Variants in WNK1 observed in about 807,000 individuals in gnomAD.
The protein encoded by WNK1 is WNK lysine deficient protein kinase 1.
In WNK1, 38 loss-of-function variants were observed where a neutral mutation model predicts 222.8. The ratio of observed to expected loss-of-function variants is 0.17; its 90% confidence interval spans 0.13 to 0.22. WNK1 has a LOEUF of 0.22. Among genes scored for constraint, WNK1 ranks in the 10% least tolerant of loss-of-function variants. WNK1 has a pLI of 1.00. For synonymous variants in WNK1, 1,090 were observed against 1,092.9 expected (o/e 1.00, Z 0.05); for missense variants, 2,348 against 2,918.4 (o/e 0.80, Z 4.50).
rs376384241 is a variant in WNK1 at position 878,328 on chromosome 12, A to T, written c.2340A>T (p.Pro780=). 1 of 1,613,682 alleles carries T rather than the reference A, an allele frequency of 6.2e-7. No individual in the cohort carries two copies. The highest frequency in any genetic ancestry group is 8.5e-7 in the Non-Finnish European group (1 of 1,179,970). ...TAQPVSQPQA[P]QVLPQVSAGK... ...AGCCAGTGAGTCAGCCTCAAGCTCC[A>T]CAAGTCTTGCCTCAAGTATCAGCTG... The change falls in exon 10 of 28, where the codon CCA becomes CCT. Residue 780 remains proline (P), a synonymous_variant. Coordinates refer to ENST00000315939, the MANE Select transcript of WNK1 (RefSeq NM_018979.4).
chr12:807,546 C>G (rs1415594358), intron 1 of WNK1, among the ~76,000 whole-genome samples: 1 of 151,890 alleles, frequency 6.6e-6, no homozygotes, highest in Non-Finnish European at 1.5e-5. Context: ...AGTTTCAGTG[C>G]TAATAACTCC....
chr12:908,861 G>GGGGGGGGGGGGGGGCCCA lies in WNK1; in HGVS notation c.*69_*70insGGGGGGGGGGGGGGCCCA. On this transcript the variant is annotated 3_prime_UTR_variant, in exon 28 of 28. Transcript: ENST00000315939. ...ATGCTGAGGGGGTGGGTGGGGGTGG[G>GGGGGGGGGGGGGGGCCCA]AAGTAGCCTATATACTAACTACTAG... 2 of 491,846 alleles carry GGGGGGGGGGGGGGGCCCA rather than the reference G, an allele frequency of 4.1e-6. No individual in the cohort carries two copies. Among genetic ancestry groups the GGGGGGGGGGGGGGGCCCA allele is most frequent in the Non-Finnish European group, 4.1e-6 (1 of 241,770 alleles). The allele number at this position is 491,846 out of a possible 1,614,324, so 30.5% of individuals were successfully genotyped here. A position where few individuals can be genotyped will look rare whatever the true frequency, so the allele number is the denominator to read the frequency against.
At chr12:863,779 A>G (rs1332002685) in intron 8 of WNK1, among the ~76,000 whole-genome samples, 4 of 152,198 alleles carry the variant, frequency 2.6e-5, no homozygotes, top group South Asian at 2.1e-4. Context: ...GTCTAATTCT[A>G]TTCTTGTCTC....
In WNK1 at chr12:753,823, T is replaced by C. The variant is rs3168640; in HGVS notation, c.258T>C (p.Cys86=). 1 allele frequency: 1,605,723 copies of C among 1,612,660 alleles called. 799,674 individuals are homozygous for C. Among genetic ancestry groups the C allele is most frequent in the Non-Finnish European group, 1 (1,179,903 of 1,179,970 alleles). The change falls in exon 1 of 28, where the codon TGT becomes TGC. Residue 86 remains cysteine, a synonymous_variant. Transcript: ENST00000315939. The surrounding 1 kb of genome is among the most constrained non-coding windows in gnomAD (Gnocchi z 5.2). ...GCTTCTTCCGCCGGAGCGTCATCTG[T>C]GACTCCAATGCCACTGCACTGGAGC... ...EHRFFRRSVI[C]DSNATALELP...
intron 24 of WNK1, 152 bp downstream of exon 24, chr12:896,884 C>A: frequency 1.8e-6 from 1 of 555,746 alleles, no homozygotes; most frequent in South Asian, 1.9e-5. Context: ...CATACCTCCC[C>A]ACCACACACA....
intron 4 of WNK1, among the ~76,000 whole-genome samples, chr12:837,333 G>A (rs1949264122): frequency 6.6e-6 from 1 of 152,198 alleles, no homozygotes; most frequent in African/African-American, 2.4e-5. Flanking sequence ...CAGCACTTTG[G>A]GAGGCTGAGG....
chr12:755,883 GA>G (rs776636475), intron 1 of WNK1, among the ~76,000 whole-genome samples: 2 of 152,254 alleles, frequency 1.3e-5, no homozygotes, highest in Non-Finnish European at 2.9e-5. Context: ...GCTGAGGCAG[GA>G]GAATATCTTG....
chr12:873,376 G>GA (rs539626603), intron 9 of WNK1, among the ~76,000 whole-genome samples: 19 of 152,066 alleles, frequency 1.2e-4, no homozygotes, highest in Non-Finnish European at 2.5e-4. Context: ...CTCTCCAGGA[G>GA]AAAAAAATAT....
intron 4 of WNK1, among the ~76,000 whole-genome samples, chr12:843,336 A>G (rs1949773060): frequency 6.6e-6 from 1 of 152,190 alleles, no homozygotes; most frequent in African/African-American, 2.4e-5. Context: ...TGTTCTATCT[A>G]CTTTACCGTA....
Position 752,587 on chromosome 12 carries a change from G to C in WNK1, c.-979G>C, listed in dbSNP as rs1005640837. The stretch of plus-strand genomic sequence containing the variant: ...GGCTGTGTGGAGGCTTCAGACTCCC[G>C]GCGCCATTTAGCGCGGAGAGTTTCC... On this transcript the variant is annotated 5_prime_UTR_variant, in exon 1 of 28. Coordinates refer to ENST00000315939, the MANE Select transcript of WNK1 (RefSeq NM_018979.4). 2.0e-5 allele frequency: 3 copies of C among 152,354 alleles called. No individual in the cohort carries two copies. The highest frequency in any genetic ancestry group is 2.1e-4 in the South Asian group (1 of 4,826). The allele number at this position is 152,354 out of a possible 1,614,324, so 9.4% of individuals were successfully genotyped here.
intron 1 of WNK1, among the ~76,000 whole-genome samples, chr12:759,192 T>C (rs1940652178): frequency 6.8e-6 from 1 of 147,316 alleles, no homozygotes; most frequent in South Asian, 2.2e-4. Flanking sequence ...GTAGCTGTAC[T>C]CAATTATCAT....
intron 2 of WNK1, among the ~76,000 whole-genome samples, chr12:820,807 T>C (rs536358241): frequency 6.6e-6 from 1 of 152,310 alleles, no homozygotes; most frequent in Non-Finnish European, 1.5e-5. Context: ...TTGGATCAAG[T>C]CATATGTGAA....
chr12:900,147 G>A (rs1177865528), intron 25 of WNK1, among the ~76,000 whole-genome samples: 1 of 150,792 alleles, frequency 6.6e-6, no homozygotes, highest in Admixed American at 6.6e-5. Flanking sequence ...CACCACGCCT[G>A]GCTAATTTTT....
chr12:836,015 A>T (rs924888846), intron 4 of WNK1, among the ~76,000 whole-genome samples: 1 of 152,076 alleles, frequency 6.6e-6, no homozygotes, highest in Non-Finnish European at 1.5e-5. Context: ...TAGATGGGAG[A>T]TAAAGGGTGA....
chr12:902,677 T>G (rs560096006), intron 26 of WNK1, among the ~76,000 whole-genome samples: 1 of 152,210 alleles, frequency 6.6e-6, no homozygotes, highest in African/African-American at 2.4e-5. Flanking sequence ...TCACCCCATC[T>G]TCCCCATATG....
At chr12:844,305 T>C (rs986511158) in intron 4 of WNK1, among the ~76,000 whole-genome samples, 1 of 152,060 alleles carries the variant, frequency 6.6e-6, no homozygotes, top group African/African-American at 2.4e-5. Flanking sequence ...CCGGCTAACA[T>C]GTATTTTCTG....
chr12:897,978 G>A (rs185876069), intron 25 of WNK1, among the ~76,000 whole-genome samples: 42 of 152,186 alleles, frequency 2.8e-4, no homozygotes, highest in Non-Finnish European at 2.6e-4. Context: ...CTGTTAACTC[G>A]TATAACTCAC....
chr12:864,868 C>T (rs1951508150), intron 8 of WNK1, among the ~76,000 whole-genome samples: 1 of 152,012 alleles, frequency 6.6e-6, no homozygotes, highest in East Asian at 1.9e-4. Flanking sequence ...GATAACTGAT[C>T]ATTATCATGA....
intron 4 of WNK1, among the ~76,000 whole-genome samples, chr12:836,254 A>G (rs1317991772): frequency 1.3e-5 from 2 of 152,212 alleles, no homozygotes; most frequent in African/African-American, 4.8e-5. Context: ...TGATACTGCT[A>G]AACAGTAACA....
Sources: gnomAD v4.1 joint callset for allele counts (sites outside exome capture counted in the v4.1 genomes callset) on GRCh38, gnomAD v4.1.1 for gene constraint, Gnocchi (gnomAD v3.1) non-coding constraint, MANE v1.5 for transcripts, NCBI Gene and HGNC (gene_info 2026-07-23, HGNC 2026-07-21) for gene names.